Variants in RYR3 observed in about 807,000 individuals in gnomAD.
RYR3 encodes brain ryanodine receptor-calcium release channel.
Under a neutral mutation model 584.3 loss-of-function variants are expected in RYR3, and 207 were observed. The ratio of observed to expected loss-of-function variants is 0.35; its 90% CI spans 0.32 to 0.40. The LOEUF is 0.40. RYR3 is among the 10% of genes least tolerant of loss of function. RYR3 has a pLI of 1.00. For synonymous variants in RYR3, 2,416 were observed against 2,248.5 expected (o/e 1.07, Z -2.11); for missense variants, 5,616 against 6,089.2 (o/e 0.92, Z 2.59).
chr15:33,645,986 G>A (rs2062080258), intron 28 of RYR3, among the ~76,000 whole-genome samples: 1 of 152,104 alleles, frequency 6.6e-6, no homozygotes, highest in Non-Finnish European at 1.5e-5. Flanking sequence ...GACAAGCATA[G>A]TCCTTGGAAA....
intron 1 of RYR3, among the ~76,000 whole-genome samples, chr15:33,436,151 G>A (rs376912204): frequency 1.3e-5 from 2 of 152,200 alleles, no homozygotes; most frequent in African/African-American, 4.8e-5. Context: ...ATATTTCAAG[G>A]TTGTGTTCAT....
intron 16 of RYR3, among the ~76,000 whole-genome samples, chr15:33,591,068 C>T (rs1319643494): frequency 6.6e-6 from 1 of 152,162 alleles, no homozygotes; most frequent in Non-Finnish European, 1.5e-5. Flanking sequence ...TTTCTGAATG[C>T]ACTTTACCCT....
intron 1 of RYR3, among the ~76,000 whole-genome samples, chr15:33,314,067 A>T (rs912427607): frequency 6.6e-6 from 1 of 152,202 alleles, no homozygotes; most frequent in African/African-American, 2.4e-5. Flanking sequence ...TCTCCTAAGT[A>T]GGGAACAAGA....
intron 15 of RYR3, 142 bp downstream of exon 15, chr15:33,584,632 C>T: frequency 1.8e-6 from 1 of 550,630 alleles, no homozygotes; most frequent in Non-Finnish European, 3.2e-6. Flanking sequence ...AAGAAATAGT[C>T]TTCAAGCTTC....
chr15:33,453,318 G>A (rs780190286), intron 1 of RYR3, among the ~76,000 whole-genome samples: 1 of 152,214 alleles, frequency 6.6e-6, no homozygotes, highest in African/African-American at 2.4e-5. Flanking sequence ...TGGCCCAGAT[G>A]TAGTTGATTT....
At chr15:33,616,131 T>G (rs1212699198) in intron 19 of RYR3, among the ~76,000 whole-genome samples, 1 of 152,212 alleles carries the variant, frequency 6.6e-6, no homozygotes, top group East Asian at 1.9e-4. Flanking sequence ...TTACTCATTT[T>G]CAAAGGGAGT....
intron 42 of RYR3, among the ~76,000 whole-genome samples, chr15:33,701,281 A>G (rs1270728055): frequency 6.6e-6 from 1 of 152,168 alleles, no homozygotes; most frequent in Non-Finnish European, 1.5e-5. Flanking sequence ...ACAGGTAGCC[A>G]ACTTCAGAGA....
intron 89 of RYR3, among the ~76,000 whole-genome samples, chr15:33,839,473 G>C (rs1364890487): frequency 6.6e-6 from 1 of 152,172 alleles, no homozygotes; most frequent in African/African-American, 2.4e-5. Context: ...AAGATTAAGT[G>C]AACAAGATAG....
At chr15:33,693,828 G>A (rs535389443) in intron 38 of RYR3, among the ~76,000 whole-genome samples, 1 of 152,348 alleles carries the variant, frequency 6.6e-6, no homozygotes, top group Admixed American at 6.5e-5. Flanking sequence ...AGCAGGTGGA[G>A]AGTAACATTT....
chr15:33,795,552 G>A (rs1156647619), intron 67 of RYR3, among the ~76,000 whole-genome samples: 1 of 151,788 alleles, frequency 6.6e-6, no homozygotes, highest in African/African-American at 2.4e-5. Flanking sequence ...GCGCCACTAC[G>A]CCTGGCTAAT....
At chr15:33,794,129 T>TATA (rs1194519159) in intron 67 of RYR3, among the ~76,000 whole-genome samples, 2 of 49,014 alleles carry the variant, frequency 4.1e-5, no homozygotes, top group African/African-American at 8.9e-5. Flanking sequence ...AAATATATAT[T>TATA]TATATATAAT....
At chr15:33,810,743 G>A (rs2076483602) in intron 71 of RYR3, 94 bp downstream of exon 71, 1 of 1,501,994 alleles carries the variant, frequency 6.7e-7, no homozygotes, top group Non-Finnish European at 9.1e-7. Context: ...TCCCCTGGGG[G>A]GCGGGGAGCA....
chr15:33,324,585 T>C (rs1969436218), intron 1 of RYR3, among the ~76,000 whole-genome samples: 1 of 152,248 alleles, frequency 6.6e-6, no homozygotes, highest in Non-Finnish European at 1.5e-5. Flanking sequence ...TGATTTATCC[T>C]GTTTGTCTCT....
intron 48 of RYR3, among the ~76,000 whole-genome samples, chr15:33,735,571 G>GT (rs893540473): frequency 4.5e-4 from 69 of 152,076 alleles, no homozygotes; most frequent in Non-Finnish European, 9.1e-4. Flanking sequence ...GTTCCACTAG[G>GT]TTTTTTTTAA....
At chr15:33,729,496 A>G (rs2068761245) in intron 47 of RYR3, among the ~76,000 whole-genome samples, 1 of 152,150 alleles carries the variant, frequency 6.6e-6, no homozygotes, top group Non-Finnish European at 1.5e-5. Flanking sequence ...ATTACTCTTC[A>G]CACTCTCGCT....
At chr15:33,711,710 A>G (rs1336425820) in intron 43 of RYR3, among the ~76,000 whole-genome samples, 4 of 152,166 alleles carry the variant, frequency 2.6e-5, no homozygotes, top group Non-Finnish European at 5.9e-5. Context: ...AATTCCAAAT[A>G]AGTTCCTCAT....
chr15:33,805,138 T>C (rs1462275370), intron 69 of RYR3, among the ~76,000 whole-genome samples: 1 of 152,240 alleles, frequency 6.6e-6, no homozygotes, highest in African/African-American at 2.4e-5. Context: ...GTTTTTTGTT[T>C]TGAAACTTTT....
chr15:33,314,122 C>T, intron 1 of RYR3, among the ~76,000 whole-genome samples: 1 of 152,186 alleles, frequency 6.6e-6, no homozygotes, highest in East Asian at 1.9e-4. Flanking sequence ...GAACTAAATG[C>T]TACTGTACCC....
chr15:33,399,727 C>A (rs2042526559), intron 1 of RYR3, among the ~76,000 whole-genome samples: 1 of 152,030 alleles, frequency 6.6e-6, no homozygotes, highest in African/African-American at 2.4e-5. Context: ...CAGGCAAGAA[C>A]AATGACATGG....
Sources: gnomAD v4.1 joint callset for allele counts (sites outside exome capture counted in the v4.1 genomes callset) on GRCh38, gnomAD v4.1.1 for gene constraint, MANE v1.5 for transcripts, NCBI Gene and HGNC (gene_info 2026-07-23, HGNC 2026-07-21) for gene names.